The following PINX1 variants were observed in gnomAD, a reference collection of about 807,000 sequenced individuals.
The protein encoded by PINX1 is PIN2/TERF1-interacting telomerase inhibitor 1.
PINX1 carries 34 observed loss-of-function variants against 25.4 expected under a neutral mutation model. That is an observed-to-expected ratio of 1.34 (90% CI 1.02 to 1.78). The LOEUF is 1.78. Among genes scored for constraint, PINX1 ranks in the 40% most tolerant of loss-of-function variants. The pLI is 0.00. For missense variants in PINX1, 592 were observed against 404.9 expected (o/e 1.46, Z -3.97); for synonymous variants, 197 against 147.7 (o/e 1.33, Z -2.42).
At chr8:10,774,712 A>C (rs181261021) in intron 6 of PINX1, among the ~76,000 whole-genome samples, 157 of 152,374 alleles carry the variant, frequency 1.0e-3, no homozygotes, top group African/African-American at 3.7e-3. Context: ...TAGTTGACTA[A>C]CAAAAAAAGT....
chr8:10,826,237 C>G lies in PINX1; in HGVS notation c.309G>C (p.Ser103=), dbSNP rs766471547. The G allele has an allele frequency of 6.4e-7, 1 of 1,554,428 alleles. No homozygotes were observed. The highest frequency in any genetic ancestry group is 1.7e-4 in the Middle Eastern group (1 of 5,922). The part of the protein sequence containing the change: ...TCHGQETTDS[S]DKKEKKSFSL... ...TAAAAGATTTCTTTTCCTTCTTGTC[C>G]GAGGAATCTTTAAAAAAGATGAAAA... Residue 103 remains serine, a synonymous_variant, in exon 5 of 7, where the codon TCG becomes TCC. Transcript: ENST00000314787.
At chr8:10,803,118 C>T (rs554023558) in intron 6 of PINX1, among the ~76,000 whole-genome samples, 19 of 151,914 alleles carry the variant, frequency 1.3e-4, no homozygotes, top group African/African-American at 4.3e-4. Flanking sequence ...TTCAAATATA[C>T]AAAAAAAATT....
chr8:10,784,041 G>A (rs974599701), intron 6 of PINX1, among the ~76,000 whole-genome samples: 11 of 152,250 alleles, frequency 7.2e-5, no homozygotes, highest in African/African-American at 2.6e-4. Context: ...CCTATAAAGA[G>A]TCTAAACTAA....
chr8:10,805,718 G>A (rs1323940972), intron 6 of PINX1, among the ~76,000 whole-genome samples: 3 of 74,692 alleles, frequency 4.0e-5, no homozygotes, highest in African/African-American at 5.8e-5. Flanking sequence ...GCACAGGAAG[G>A]GGCCACACTA....
At chr8:10,786,630 A>T (rs1801757202) in intron 6 of PINX1, among the ~76,000 whole-genome samples, 2 of 152,078 alleles carry the variant, frequency 1.3e-5, no homozygotes. Flanking sequence ...GGGCACAAAG[A>T]CTCTGCCCCC....
At chr8:10,835,194 C>T (rs1586215244) in intron 1 of PINX1, among the ~76,000 whole-genome samples, 1 of 152,190 alleles carries the variant, frequency 6.6e-6, no homozygotes, top group African/African-American at 2.4e-5. Flanking sequence ...ACATGCAATA[C>T]CAAGGATGCG....
In PINX1 at chr8:10,815,858, T is replaced by C. The variant is rs370892188; in HGVS notation, c.471+4335A>G. On this transcript the variant is annotated intron_variant, in intron 6 of 6. Transcript: ENST00000314787. ...TCTCTACAAGGAGTTCTCTAAAGAC[T>C]CATAAAATAGAAAATAACACTGAGC... Among the ~76,000 whole-genome samples, 185 of 152,264 alleles carry C rather than the reference T, an allele frequency of 1.2e-3. 3 individuals are homozygous for C. In the South Asian group the frequency reaches 0.034, roughly 28 times the overall value.
chr8:10,782,947 C>G (rs1801634844), intron 6 of PINX1, among the ~76,000 whole-genome samples: 1 of 152,172 alleles, frequency 6.6e-6, no homozygotes, highest in Admixed American at 6.5e-5. Context: ...TTTATTCTGT[C>G]TTTCCTATAT....
intron 6 of PINX1, among the ~76,000 whole-genome samples, chr8:10,772,927 ATTT>A (rs71538086): frequency 1.4e-5 from 2 of 146,682 alleles, no homozygotes; most frequent in Non-Finnish European, 1.5e-5. Flanking sequence ...GTTTTTAATG[ATTT>A]TTTTTTTTTT....
intron 1 of PINX1, among the ~76,000 whole-genome samples, chr8:10,835,159 G>T (rs367626275): frequency 6.6e-6 from 1 of 152,186 alleles, no homozygotes; most frequent in African/African-American, 2.4e-5. Context: ...AGCTTCCATT[G>T]CCATGCGTTA....
intron 6 of PINX1, among the ~76,000 whole-genome samples, chr8:10,796,890 G>A (rs559665129): frequency 6.6e-6 from 1 of 152,068 alleles, no homozygotes; most frequent in South Asian, 2.1e-4. Context: ...CTGAGCATGT[G>A]ACAATGACAA....
chr8:10,792,657 G>A (rs1444158629), intron 6 of PINX1, among the ~76,000 whole-genome samples: 1 of 152,120 alleles, frequency 6.6e-6, no homozygotes, highest in Non-Finnish European at 1.5e-5. Context: ...CATACACGCC[G>A]CCGGTACTCT....
chr8:10,835,344 G>T (rs1394331419), intron 1 of PINX1, among the ~76,000 whole-genome samples: 1 of 152,198 alleles, frequency 6.6e-6, no homozygotes, highest in African/African-American at 2.4e-5. Context: ...CTTAGAGAAA[G>T]AAATTTGCCG....
intron 1 of PINX1, among the ~76,000 whole-genome samples, chr8:10,836,823 C>T (rs1798420516): frequency 6.6e-6 from 1 of 152,196 alleles, no homozygotes; most frequent in Admixed American, 6.5e-5. Flanking sequence ...GCAGGCCTGC[C>T]ATGCTTCCCA....
At chr8:10,811,951 G>A (rs192489890) in intron 6 of PINX1, among the ~76,000 whole-genome samples, 13 of 152,306 alleles carry the variant, frequency 8.5e-5, no homozygotes, top group Admixed American at 8.5e-4. Context: ...AGAAGAGCAT[G>A]TGGAATGAGA....
chr8:10,770,235 G>A (rs1563200273), intron 6 of PINX1, among the ~76,000 whole-genome samples: 1 of 152,226 alleles, frequency 6.6e-6, no homozygotes, highest in Admixed American at 6.5e-5. Flanking sequence ...CTCTGACTCA[G>A]TTTCCTCATC....
At chr8:10,800,616 C>T (rs1802236677) in intron 6 of PINX1, among the ~76,000 whole-genome samples, 1 of 152,028 alleles carries the variant, frequency 6.6e-6, no homozygotes, top group South Asian at 2.1e-4. Context: ...ATTACAGGTG[C>T]ACACCACCAC....
At chr8:10,837,068 T>C (rs1563242780) in intron 1 of PINX1, among the ~76,000 whole-genome samples, 2 of 152,234 alleles carry the variant, frequency 1.3e-5, no homozygotes, top group Admixed American at 6.5e-5. Context: ...GGCCTGTTCA[T>C]AACAGGGAAC....
chr8:10,830,950 T>C (rs1020946513), intron 4 of PINX1, among the ~76,000 whole-genome samples: 3 of 152,174 alleles, frequency 2.0e-5, no homozygotes, highest in Admixed American at 1.3e-4. Context: ...TCCCAGGCAT[T>C]ACCCAAAGGA....
Sources: gnomAD v4.1 joint callset for allele counts (sites outside exome capture counted in the v4.1 genomes callset) on GRCh38, gnomAD v4.1.1 for gene constraint, MANE v1.5 for transcripts, NCBI Gene and HGNC (gene_info 2026-07-23, HGNC 2026-07-21) for gene names.